The following SSBP2 variants were observed in gnomAD, a reference collection of about 807,000 sequenced individuals.
SSBP2 encodes single stranded DNA binding protein 2.
In SSBP2, 17 loss-of-function variants were observed where a neutral mutation model predicts 61.8. That is an observed-to-expected ratio of 0.28 (90% CI 0.19 to 0.41). The LOEUF (loss-of-function observed/expected upper bound fraction) is 0.41. SSBP2 is among the 10% of genes least tolerant of loss of function. The probability of loss-of-function intolerance (pLI) is 1.00; values close to 1 mark genes in which losing one functional copy is unlikely to be tolerated. For synonymous variants in SSBP2, 139 were observed against 141.3 expected, an observed-to-expected ratio of 0.98 and a Z score of 0.12; for missense variants, 310 against 458.7, an observed-to-expected ratio of 0.68 and a Z score of 2.96.
chr5:81,483,857 T>TG (rs1355787220), intron 6 of SSBP2, among the ~76,000 whole-genome samples: 2 of 152,156 alleles, frequency 1.3e-5, no homozygotes, highest in Non-Finnish European at 2.9e-5. Flanking sequence ...CTTTACCACA[T>TG]GCAGCAATTT....
At chr5:81,430,502 G>A (rs1232501254) in intron 15 of SSBP2, among the ~76,000 whole-genome samples, 1 of 152,152 alleles carries the variant, frequency 6.6e-6, no homozygotes, top group Non-Finnish European at 1.5e-5. Context: ...TTAAATCTTT[G>A]CTGCACATTT....
intron 5 of SSBP2, among the ~76,000 whole-genome samples, chr5:81,503,337 C>T (rs1767939256): frequency 6.6e-6 from 1 of 152,056 alleles, no homozygotes; most frequent in Non-Finnish European, 1.5e-5. Flanking sequence ...GCCTGTAATC[C>T]CAGCTACTCG....
At chr5:81,482,388 G>C (rs902345512) in intron 6 of SSBP2, among the ~76,000 whole-genome samples, 3 of 152,160 alleles carry the variant, frequency 2.0e-5, no homozygotes, top group South Asian at 4.1e-4. Context: ...GACTGACTAT[G>C]GCTATGAAAG....
At chr5:81,445,353 T>C (rs983896324) in intron 12 of SSBP2, among the ~76,000 whole-genome samples, 5 of 151,348 alleles carry the variant, frequency 3.3e-5, no homozygotes, top group Admixed American at 6.6e-5. Context: ...GATGTACTTG[T>C]GGCAATTTCT....
intron 1 of SSBP2, among the ~76,000 whole-genome samples, chr5:81,749,871 G>GTATC (rs1270435756): frequency 3.9e-5 from 6 of 152,190 alleles, no homozygotes; most frequent in African/African-American, 1.4e-4. Flanking sequence ...GTTAACACCT[G>GTATC]TATCTCCCCA....
intron 5 of SSBP2, among the ~76,000 whole-genome samples, chr5:81,503,979 A>C (rs1008943518): frequency 6.6e-6 from 1 of 152,144 alleles, no homozygotes; most frequent in Non-Finnish European, 1.5e-5. Flanking sequence ...ACTGGGGCCT[A>C]CTTGAGGGTG....
intron 4 of SSBP2, among the ~76,000 whole-genome samples, chr5:81,540,679 T>C (rs2973343): frequency 0.65 from 98,325 of 152,020 alleles, 32,629 homozygotes; most frequent in Middle Eastern, 0.75. Flanking sequence ...CTATTGCATG[T>C]TTAATAGAAT....
At chr5:81,594,179 AG>A (rs1743452050) in intron 4 of SSBP2, among the ~76,000 whole-genome samples, 1 of 152,220 alleles carries the variant, frequency 6.6e-6, no homozygotes, top group Admixed American at 6.5e-5. Flanking sequence ...AAAAAAAGGC[AG>A]GGGTTGCAAT....
intron 8 of SSBP2, among the ~76,000 whole-genome samples, chr5:81,469,986 T>G (rs1024184261): frequency 2.0e-5 from 3 of 151,890 alleles, no homozygotes; most frequent in African/African-American, 7.2e-5. Flanking sequence ...GAAATTTAAT[T>G]TCTAGAAAGT....
chr5:81,471,617 TG>T (rs1307710695), intron 8 of SSBP2, among the ~76,000 whole-genome samples: 1 of 152,036 alleles, frequency 6.6e-6, no homozygotes, highest in Non-Finnish European at 1.5e-5. Flanking sequence ...TAATGATGAT[TG>T]GTTAACATGT....
chr5:81,530,764 T>A (rs988099602), intron 4 of SSBP2, among the ~76,000 whole-genome samples: 2 of 152,090 alleles, frequency 1.3e-5, no homozygotes, highest in African/African-American at 4.8e-5. Context: ...ACTACTGGAA[T>A]CTCTTGCACC....
rs900413271 is a variant in SSBP2, at chr5:81,746,836, C to T, written c.62+4145G>A. On this transcript the variant is annotated intron_variant, in intron 1 of 16. Transcript: ENST00000320672. ...TTTCTAGCAGATTCATCTTTCTGTG[C>T]TTTACATAAAAGATCAAATTAGTTT... 2.6e-5 allele frequency among the ~76,000 whole-genome samples: 4 copies of T among 152,044 alleles called. No individual in the cohort carries two copies. The East Asian group carries it at 5.8e-4, about 22-fold the overall frequency.
intron 4 of SSBP2, among the ~76,000 whole-genome samples, chr5:81,602,282 T>C (rs578207178): frequency 1.4e-4 from 22 of 152,288 alleles, no homozygotes; most frequent in Non-Finnish European, 2.5e-4. Context: ...CTTTTAAAAA[T>C]GTTATAGGTT....
intron 1 of SSBP2, among the ~76,000 whole-genome samples, chr5:81,744,573 C>G (rs1550804): frequency 0.092 from 13,922 of 151,738 alleles, 1,108 homozygotes; most frequent in East Asian, 0.37. Context: ...TACAACCATA[C>G]TCTTTAACAC....
At chr5:81,430,731 G>GTATACTCTTC (rs890763730) in intron 15 of SSBP2, among the ~76,000 whole-genome samples, 3 of 152,220 alleles carry the variant, frequency 2.0e-5, no homozygotes, top group Non-Finnish European at 4.4e-5. Context: ...CTGTGTGTGT[G>GTATACTCTTC]TGTATGTGTG....
intron 1 of SSBP2, among the ~76,000 whole-genome samples, chr5:81,661,027 G>C (rs891325332): frequency 1.3e-5 from 2 of 152,046 alleles, no homozygotes; most frequent in Non-Finnish European, 2.9e-5. Context: ...GGTCAGGGGA[G>C]GGAGAGCATT....
intron 4 of SSBP2, among the ~76,000 whole-genome samples, chr5:81,530,986 G>A (rs1238459038): frequency 6.6e-6 from 1 of 152,034 alleles, no homozygotes; most frequent in African/African-American, 2.4e-5. Flanking sequence ...GGGAGGCCCA[G>A]GTGGGAGGAC....
chr5:81,660,570 T>C (rs1750597560), intron 1 of SSBP2, among the ~76,000 whole-genome samples: 1 of 152,188 alleles, frequency 6.6e-6, no homozygotes. Context: ...GAATGTAAAT[T>C]AGTTCAACCA....
intron 4 of SSBP2, among the ~76,000 whole-genome samples, chr5:81,578,950 C>T (rs945439750): frequency 6.6e-6 from 1 of 151,736 alleles, no homozygotes; most frequent in African/African-American, 2.4e-5. Context: ...AATTAAAGAA[C>T]CTAAATTGTA....
Sources: gnomAD v4.1 joint callset for allele counts (sites outside exome capture counted in the v4.1 genomes callset) on GRCh38, gnomAD v4.1.1 for gene constraint, MANE v1.5 for transcripts, NCBI Gene and HGNC (gene_info 2026-07-23, HGNC 2026-07-21) for gene names.